Variants in PDE12 observed in about 807,000 individuals in gnomAD.
PDE12 encodes phosphodiesterase 12.
Under a neutral mutation model 45.4 loss-of-function variants are expected in PDE12, and 26 were observed. That is an observed-to-expected ratio of 0.57 (90% confidence interval 0.42 to 0.79). PDE12 has a LOEUF of 0.79. PDE12 is among the 30% of genes least tolerant of loss of function. The pLI is 0.00. For missense variants in PDE12, 668 were observed against 790.0 expected (o/e 0.85, Z 1.85); for synonymous variants, 283 against 323.9 (o/e 0.87, Z 1.36).
chr3:57,651,886 A>G, the PDE12 span, among the ~76,000 whole-genome samples: 2 of 152,060 alleles, frequency 1.3e-5, no homozygotes, highest in Non-Finnish European at 2.9e-5. Flanking sequence ...CAGAGTCCAA[A>G]CAGATATATA....
At chr3:57,628,874 G>C in the PDE12 span, 1 of 1,612,758 alleles carries the variant, frequency 6.2e-7, no homozygotes, top group Non-Finnish European at 8.5e-7. Context: ...TCTGGATCCA[G>C]AGAAGTAAGT....
chr3:57,638,175 C>T, the PDE12 span, among the ~76,000 whole-genome samples: 1 of 151,592 alleles, frequency 6.6e-6, no homozygotes, highest in South Asian at 2.1e-4. Flanking sequence ...CATCAAAGGA[C>T]ACCATCAAGA....
At chr3:57,583,946 A>C in the PDE12 span, 1 of 1,612,502 alleles carries the variant, frequency 6.2e-7, no homozygotes, top group African/African-American at 1.3e-5. Flanking sequence ...TTCTATCTTG[A>C]CCACCAACAT....
chr3:57,631,438 C>T, the PDE12 span, among the ~76,000 whole-genome samples: 3 of 152,256 alleles, frequency 2.0e-5, no homozygotes, highest in African/African-American at 7.2e-5. Context: ...TCATGATCCA[C>T]CTGCCTCAGC....
At chr3:57,586,321 A>T in the PDE12 span, among the ~76,000 whole-genome samples, 2 of 152,248 alleles carry the variant, frequency 1.3e-5, no homozygotes, top group African/African-American at 4.8e-5. Flanking sequence ...GACTTAGCAC[A>T]TAAAAGCAAT....
the PDE12 span, chr3:57,628,099 T>A: frequency 6.9e-7 from 1 of 1,453,484 alleles, no homozygotes; most frequent in Non-Finnish European, 9.2e-7. Context: ...GTAACTAGCA[T>A]TCATGGCAAT....
the PDE12 span, among the ~76,000 whole-genome samples, chr3:57,612,918 A>G: frequency 6.6e-6 from 1 of 152,212 alleles, no homozygotes; most frequent in African/African-American, 2.4e-5. Flanking sequence ...TGAAATAAAC[A>G]TACCAATTAA....
At chr3:57,597,305 C>T in the PDE12 span, 1 of 636,510 alleles carries the variant, frequency 1.6e-6, no homozygotes, top group East Asian at 3.0e-5. Context: ...GATGAAGATC[C>T]GGCACAGGAA....
chr3:57,618,998 C>T, the PDE12 span, among the ~76,000 whole-genome samples: 1 of 152,088 alleles, frequency 6.6e-6, no homozygotes, highest in Non-Finnish European at 1.5e-5. Context: ...TTGATAAATA[C>T]ATTTAACAAA....
the PDE12 span, chr3:57,598,073 T>C: frequency 6.6e-6 from 1 of 152,198 alleles, no homozygotes; most frequent in Non-Finnish European, 1.5e-5. Context: ...GTCTTGCTTT[T>C]CTTGTACTTT....
the PDE12 span, chr3:57,597,185 G>A: frequency 1.9e-6 from 3 of 1,568,324 alleles, no homozygotes; most frequent in Non-Finnish European, 8.8e-7. Context: ...AGGGGTTTGG[G>A]GCGACCCCGT....
the PDE12 span, among the ~76,000 whole-genome samples, chr3:57,631,913 G>T: frequency 6.6e-4 from 98 of 147,616 alleles, no homozygotes; most frequent in Admixed American, 8.1e-4. Context: ...TAGTAGAGAC[G>T]GGGTTTCACC....
At chr3:57,601,915 T>TA in the PDE12 span, among the ~76,000 whole-genome samples, 1 of 151,288 alleles carries the variant, frequency 6.6e-6, no homozygotes, top group Non-Finnish European at 1.5e-5. Flanking sequence ...CGGCTAATTT[T>TA]TTTTTTTTTT....
the PDE12 span, chr3:57,630,397 T>C: frequency 6.4e-7 from 1 of 1,554,560 alleles, no homozygotes. Flanking sequence ...TGTTAATCAT[T>C]ACACAAACAC....
At chr3:57,651,712 G>C in the PDE12 span, among the ~76,000 whole-genome samples, 1 of 151,778 alleles carries the variant, frequency 6.6e-6, no homozygotes, top group Non-Finnish European at 1.5e-5. Context: ...GATAAACCCG[G>C]AATATCTCAC....
At chr3:57,596,977 C>G in the PDE12 span, 1 of 1,379,558 alleles carries the variant, frequency 7.2e-7, no homozygotes, top group Non-Finnish European at 1.0e-6. Flanking sequence ...CCTCCCCCAC[C>G]ACAGCGGGCG....
chr3:57,637,268 C>A, the PDE12 span, among the ~76,000 whole-genome samples: 1 of 152,116 alleles, frequency 6.6e-6, no homozygotes, highest in South Asian at 2.1e-4. Flanking sequence ...TTAATGAGTG[C>A]CCTATTAAGA....
At chr3:57,626,904 A>G in the PDE12 span, 1 of 152,562 alleles carries the variant, frequency 6.6e-6, no homozygotes, top group East Asian at 1.9e-4. Context: ...AATAGTAGGA[A>G]AAGTGTTTTA....
chr3:57,636,809 C>T, the PDE12 span, among the ~76,000 whole-genome samples: 5 of 151,870 alleles, frequency 3.3e-5, no homozygotes, highest in South Asian at 2.1e-4. Flanking sequence ...TGGTGGCACA[C>T]GCCTGTAGTC....
Sources: gnomAD v4.1 joint callset for allele counts (sites outside exome capture counted in the v4.1 genomes callset) on GRCh38, gnomAD v4.1.1 for gene constraint, MANE v1.5 for transcripts, NCBI Gene and HGNC (gene_info 2026-07-23, HGNC 2026-07-21) for gene names.